WDR64: variants seen among roughly 807,000 people sequenced by gnomAD.
WDR64 encodes the protein WD repeat-containing protein 64.
WDR64 carries 112 observed loss-of-function variants against 139.3 expected under a neutral mutation model. The ratio of observed to expected loss-of-function variants is 0.80; its 90% CI spans 0.69 to 0.94. WDR64 has a LOEUF of 0.94. Ranked by LOEUF, WDR64 falls within the 40% of genes least tolerant of loss-of-function variation. WDR64 has a pLI of 0.00. For missense variants in WDR64, 1,206 were observed against 1,293.1 expected (o/e 0.93, Z 1.03); for synonymous variants, 444 against 437.7 (o/e 1.01, Z -0.18).
intron 1 of WDR64, among the ~76,000 whole-genome samples, chr1:241,655,973 C>A (rs1222485220): frequency 6.6e-6 from 1 of 152,160 alleles, no homozygotes. Flanking sequence ...GGCACAGGGC[C>A]TGGTGTCCAG....
intron 4 of WDR64, among the ~76,000 whole-genome samples, chr1:241,675,243 C>T (rs1397053562): frequency 1.1e-4 from 12 of 114,046 alleles, no homozygotes; most frequent in African/African-American, 4.4e-4. Flanking sequence ...CCTCCTTCCT[C>T]CCTCCTTCCT....
At chr1:241,712,833 G>T (rs558882537) in intron 9 of WDR64, among the ~76,000 whole-genome samples, 1 of 152,108 alleles carries the variant, frequency 6.6e-6, no homozygotes. Flanking sequence ...AAGAGGCTGA[G>T]GCAGAGGATC....
At chr1:241,797,906 T>C (rs1178827830) in intron 27 of WDR64, among the ~76,000 whole-genome samples, 1 of 152,172 alleles carries the variant, frequency 6.6e-6, no homozygotes, top group Non-Finnish European at 1.5e-5. Context: ...CACTCTTATT[T>C]AAATTTTATC....
At chr1:241,658,284 G>GGTGTGTGT (rs56011225) in intron 1 of WDR64, among the ~76,000 whole-genome samples, 8,157 of 147,180 alleles carry the variant, frequency 0.055, 237 homozygotes, top group Middle Eastern at 0.062. Context: ...TTCAAGCAAT[G>GGTGTGTGT]GTGTGTGTGT....
chr1:241,687,681 A>C (rs1667061675), intron 8 of WDR64, 86 bp downstream of exon 8: 2 of 1,356,412 alleles, frequency 1.5e-6, no homozygotes, highest in East Asian at 4.7e-5. Flanking sequence ...TGAAACTTTC[A>C]AACTGGCTTT....
At chr1:241,722,285 A>G (rs1668640966) in intron 9 of WDR64, among the ~76,000 whole-genome samples, 1 of 152,244 alleles carries the variant, frequency 6.6e-6, no homozygotes, top group Admixed American at 6.5e-5. Context: ...TGTGCTGGCC[A>G]GAATTTAATG....
At chr1:241,768,682 T>C (rs1658285356) in intron 16 of WDR64, among the ~76,000 whole-genome samples, 1 of 152,184 alleles carries the variant, frequency 6.6e-6, no homozygotes, top group Admixed American at 6.5e-5. Context: ...AGGGGAAATT[T>C]TGCTGTAAGG....
intron 15 of WDR64, among the ~76,000 whole-genome samples, chr1:241,758,439 C>T (rs1670295628): frequency 6.6e-6 from 1 of 152,050 alleles, no homozygotes; most frequent in Non-Finnish European, 1.5e-5. Flanking sequence ...AAAACCTCTC[C>T]TTTACCAAAT....
At chr1:241,689,954 G>T (rs535356543) in intron 8 of WDR64, among the ~76,000 whole-genome samples, 1 of 152,002 alleles carries the variant, frequency 6.6e-6, no homozygotes, top group East Asian at 1.9e-4. Flanking sequence ...TCCAAAAACT[G>T]TGGGCAACTG....
chr1:241,652,835 G>GTT (rs199607001), intron 1 of WDR64, among the ~76,000 whole-genome samples: 1 of 152,000 alleles, frequency 6.6e-6, no homozygotes, highest in African/African-American at 2.4e-5. Flanking sequence ...TTTTGTTTTT[G>GTT]TTTTTTTTTT....
chr1:241,692,241 G>A (rs1284612044), intron 8 of WDR64, among the ~76,000 whole-genome samples: 2 of 152,056 alleles, frequency 1.3e-5, no homozygotes, highest in Non-Finnish European at 2.9e-5. Context: ...TTGATATGTA[G>A]AGTCAATGCG....
chr1:241,757,237 A>G, intron 14 of WDR64, 46 bp from the exon 15 acceptor site: 1 of 1,547,060 alleles, frequency 6.5e-7, no homozygotes, highest in Non-Finnish European at 8.8e-7. Context: ...ACAGTTCAAA[A>G]TAAAATAATT....
intron 10 of WDR64, among the ~76,000 whole-genome samples, chr1:241,735,845 CTCTCTCTCTCTGTGTGTGTGTGTGTGTG>C (rs1416431895): frequency 9.9e-4 from 100 of 100,570 alleles, no homozygotes; most frequent in African/African-American, 4.4e-3. Flanking sequence ...CTCTCTCTCT[CTCTCTCTCTCTGTGTGTGTGTGTGTGTG>C]TGTGTGTGTG....
intron 14 of WDR64, among the ~76,000 whole-genome samples, chr1:241,755,502 T>C (rs956052768): frequency 1.3e-5 from 2 of 152,230 alleles, no homozygotes; most frequent in Non-Finnish European, 2.9e-5. Context: ...TCTCCCATTC[T>C]GTAGATTGCC....
intron 10 of WDR64, among the ~76,000 whole-genome samples, chr1:241,735,268 T>C (rs903199558): frequency 6.6e-6 from 1 of 152,230 alleles, no homozygotes; most frequent in Non-Finnish European, 1.5e-5. Context: ...GGAATCCTGT[T>C]GTATGAACGC....
At chr1:241,741,373 C>G (rs988730626) in intron 11 of WDR64, 143 bp from the exon 12 acceptor site, 17 of 569,972 alleles carry the variant, frequency 3.0e-5, no homozygotes, top group African/African-American at 5.8e-5. Flanking sequence ...AAAATATTCT[C>G]ACCTCATTAC....
intron 23 of WDR64, among the ~76,000 whole-genome samples, chr1:241,785,502 G>A (rs906308282): frequency 6.6e-6 from 1 of 152,162 alleles, no homozygotes; most frequent in Non-Finnish European, 1.5e-5. Flanking sequence ...CCACTTCGGG[G>A]ATTAAGTTTC....
intron 1 of WDR64, among the ~76,000 whole-genome samples, chr1:241,655,632 T>C (rs1322627434): frequency 1.3e-5 from 2 of 152,106 alleles, no homozygotes; most frequent in Non-Finnish European, 2.9e-5. Flanking sequence ...CTTCTTGGCA[T>C]TTCCAAACAT....
intron 7 of WDR64, 50 bp from the exon 8 acceptor site, chr1:241,687,411 T>C (rs75208052): frequency 0.044 from 70,327 of 1,602,202 alleles, 2,283 homozygotes; most frequent in East Asian, 0.13. Flanking sequence ...AAACATATTA[T>C]ACGTTTGTGT....
Sources: allele counts gnomAD v4.1 joint callset (sites outside exome capture counted in the v4.1 genomes callset), GRCh38; gene constraint gnomAD v4.1.1; transcripts MANE v1.5; gene names NCBI Gene and HGNC (gene_info 2026-07-23, HGNC 2026-07-21).